MID1: variants seen among roughly 807,000 people sequenced by gnomAD.
MID1 encodes midline 1, also known as E3 ubiquitin-protein ligase Midline-1.
A neutral mutation model predicts 40.4 loss-of-function variants in MID1; 7 were observed. That is an observed-to-expected ratio of 0.17 (90% CI 0.10 to 0.33). The LOEUF (loss-of-function observed/expected upper bound fraction) is 0.33, where lower values mean the gene tolerates loss of function less well. Among genes scored for constraint, MID1 ranks in the 10% least tolerant of loss-of-function variants. The probability of loss-of-function intolerance (pLI) is 1.00; values close to 1 mark genes in which losing one functional copy is unlikely to be tolerated. For missense variants in MID1, 367 were observed against 558.5 expected, an observed-to-expected ratio of 0.66 and a Z score of 3.46; for synonymous variants, 229 against 221.2, an observed-to-expected ratio of 1.04 and a Z score of -0.31.
chrX:10,609,486 C>A (rs1248294036), intron 1 of MID1, among the ~76,000 whole-genome samples: 1 of 110,780 alleles, frequency 9.0e-6, no homozygotes. Flanking sequence ...GAGTTGTCCA[C>A]ATCATTTCAA....
chrX:10,599,015 C>G, intron 1 of MID1, among the ~76,000 whole-genome samples: 1 of 112,072 alleles, frequency 8.9e-6, no homozygotes. Context: ...ATGTCTGTCT[C>G]CTAGATCACA....
At chrX:10,500,550 A>G (rs1320401413) in intron 3 of MID1, among the ~76,000 whole-genome samples, 2 of 112,490 alleles carry the variant, frequency 1.8e-5, no homozygotes, top group Admixed American at 1.9e-4. Flanking sequence ...AATTTTTTCT[A>G]CTACAAAGAA....
rs140027557 is a variant in MID1, at chrX:10,751,584, T to C, written c.-187+81970A>G. On this transcript the variant is annotated intron_variant, in intron 1 of 10. Transcript: ENST00000380785. ...AGGTTGAGCCTTCAGTGAGCTAAGA[T>C]CATGCCACTGCACTACAGCCTGGGT... 1.6e-3 allele frequency among the ~76,000 whole-genome samples: 178 copies of C among 111,569 alleles called. 1 individual carries two copies. Among genetic ancestry groups the C allele is most frequent in the African/African-American group, 5.7e-3 (175 of 30,642 alleles).
At chrX:10,543,327 A>G (rs191917983) in intron 2 of MID1, among the ~76,000 whole-genome samples, 1 of 112,142 alleles carries the variant, frequency 8.9e-6, no homozygotes, top group Non-Finnish European at 1.9e-5. Flanking sequence ...CTTTTTCCAC[A>G]GTCCTCCTTG....
At chrX:10,636,784 G>GTATATA (rs1198448070) in intron 1 of MID1, among the ~76,000 whole-genome samples, 514 of 12,131 alleles carry the variant, frequency 0.042, 7 homozygotes, top group Admixed American at 0.057. Context: ...CCAACAATGG[G>GTATATA]GATATATATA....
intron 5 of MID1, among the ~76,000 whole-genome samples, chrX:10,476,556 TAC>T (rs1174426393): frequency 1.2e-4 from 13 of 111,639 alleles, no homozygotes; most frequent in Non-Finnish European, 2.4e-4. Flanking sequence ...TTCATAGAAA[TAC>T]AGTTTCTATA....
chrX:10,561,867 CG>C (rs1934352512), intron 2 of MID1, among the ~76,000 whole-genome samples: 1 of 106,954 alleles, frequency 9.3e-6, no homozygotes, highest in South Asian at 3.8e-4. Context: ...ATCCCATTAC[CG>C]GGTAGATACC....
intron 2 of MID1, among the ~76,000 whole-genome samples, chrX:10,532,260 G>A (rs964528575): frequency 6.2e-5 from 7 of 112,392 alleles, no homozygotes; most frequent in Non-Finnish European, 1.3e-4. Context: ...GGATGCCAAG[G>A]CGGGAGGATT....
intron 1 of MID1, among the ~76,000 whole-genome samples, chrX:10,735,904 T>C (rs1455967951): frequency 2.7e-5 from 3 of 111,257 alleles, no homozygotes; most frequent in Non-Finnish European, 5.7e-5. Flanking sequence ...AGTGCTGGGA[T>C]TACAGGCATT....
intron 4 of MID1, among the ~76,000 whole-genome samples, chrX:10,487,678 T>C (rs949673413): frequency 5.4e-5 from 6 of 111,438 alleles, no homozygotes; most frequent in Non-Finnish European, 7.5e-5. Flanking sequence ...AAGCAATCAT[T>C]GATTTGCTTT....
At chrX:10,699,470 A>C (rs1227233435) in intron 1 of MID1, among the ~76,000 whole-genome samples, 2 of 112,196 alleles carry the variant, frequency 1.8e-5, no homozygotes, top group Non-Finnish European at 3.8e-5. Flanking sequence ...GTTCCATTGT[A>C]AACTGAAGGC....
At position 10,449,394 on chromosome X, in the gene MID1, A is replaced by C; in HGVS notation, c.1978T>G (p.Leu660Val). 3 of 1,211,198 alleles carry C rather than the reference A, an allele frequency of 2.5e-6. No individual in the cohort carries two copies. Among genetic ancestry groups the C allele is most frequent in the Non-Finnish European group, 3.4e-6 (3 of 895,163 alleles). The change falls in exon 10 of 10, where the codon TTG (leucine) becomes GTG (valine). Residue 660 changes from leucine to valine, a missense_variant. Transcript: ENST00000317552. The part of the protein sequence containing the change: ...IITGLPIPDH[L>V]DCTEQLP ...CACGGCAGCTGCTCTGTGCAGTCCA[A>C]ATGGTCTGGGATAGGGAGCCCAGTG...
At chrX:10,645,641 C>G (rs1473187339) in intron 1 of MID1, among the ~76,000 whole-genome samples, 2 of 112,175 alleles carry the variant, frequency 1.8e-5, no homozygotes, top group Non-Finnish European at 3.8e-5. Flanking sequence ...ACTAAGCACC[C>G]TATTGGACAC....
At chrX:10,503,275 T>C (rs754624258) in intron 3 of MID1, among the ~76,000 whole-genome samples, 6 of 111,767 alleles carry the variant, frequency 5.4e-5, no homozygotes, top group Non-Finnish European at 1.1e-4. Context: ...TATATAAAAC[T>C]GAGCCAAGGA....
chrX:10,465,015 C>G (rs1929259470), intron 7 of MID1, among the ~76,000 whole-genome samples: 1 of 108,541 alleles, frequency 9.2e-6, no homozygotes, highest in East Asian at 2.9e-4. Context: ...GAAATCCCAT[C>G]TCTACTAAAA....
At chrX:10,589,792 C>G (rs981499493) in intron 1 of MID1, 1 of 110,665 alleles carries the variant, frequency 9.0e-6, no homozygotes, top group Non-Finnish European at 1.9e-5. Context: ...GCTAAAGCCA[C>G]CTAAGGAGCT....
At chrX:10,661,391 C>A (rs2042911215) in intron 1 of MID1, among the ~76,000 whole-genome samples, 2 of 108,858 alleles carry the variant, frequency 1.8e-5, no homozygotes, top group Admixed American at 9.8e-5. Flanking sequence ...CGGCTCACTG[C>A]AAACTCTACC....
intron 1 of MID1, among the ~76,000 whole-genome samples, chrX:10,729,654 A>C (rs2043426478): frequency 8.9e-6 from 1 of 112,298 alleles, no homozygotes; most frequent in African/African-American, 3.2e-5. Flanking sequence ...TTAAAATGCT[A>C]ATTTCAAAGC....
chrX:10,725,272 C>T (rs758341555), intron 1 of MID1, among the ~76,000 whole-genome samples: 2 of 111,631 alleles, frequency 1.8e-5, no homozygotes, highest in South Asian at 3.8e-4. Flanking sequence ...TTCTTTGTAC[C>T]GCTAGGTGAA....
Sources: allele counts gnomAD v4.1 joint callset (sites outside exome capture counted in the v4.1 genomes callset), GRCh38; gene constraint gnomAD v4.1.1; transcripts MANE v1.5; gene names NCBI Gene and HGNC (gene_info 2026-07-23, HGNC 2026-07-21).